CDKN2A: variants seen among roughly 807,000 people sequenced by gnomAD.
CDKN2A encodes the protein cyclin-dependent kinase inhibitor 2A.
Under a neutral mutation model 11.1 loss-of-function variants are expected in CDKN2A, and 3 were observed. The ratio of observed to expected loss-of-function variants is 0.27; its 90% CI spans 0.12 to 0.70. The LOEUF is 0.70. CDKN2A is among the 30% of genes least tolerant of loss of function. The probability of loss-of-function intolerance (pLI) is 0.77; values close to 1 mark genes in which losing one functional copy is unlikely to be tolerated. For synonymous variants in CDKN2A, 122 were observed against 108.1 expected (o/e 1.13, Z -0.80); for missense variants, 265 against 233.6 (o/e 1.13, Z -0.88).
intron 1 of CDKN2A, chr9:21,994,442 GC>G: frequency 6.4e-7 from 1 of 1,553,572 alleles, no homozygotes; most frequent in Non-Finnish European, 8.6e-7. Context: ...CCCACGCACC[GC>G]CCCCTGCCCA....
In CDKN2A at chr9:21,974,484, T is replaced by C. The variant is rs377665008; in HGVS notation, c.150+194A>G. On this transcript the variant is annotated intron_variant, in intron 1 of 2. Transcript: ENST00000304494. This position sits in a 1 kb window ranked among gnomAD's most constrained non-coding sequence, Gnocchi z 5.2. ...CTGTACGCGCGTGGCTCCTCATTCCTCTTCCTTGGCTTCCCAAGCCCCCAG... is the reference window on the plus strand; with the variant it reads ...CTGTACGCGCGTGGCTCCTCATTCCCCTTCCTTGGCTTCCCAAGCCCCCAG... 1.2e-6 allele frequency: 2 copies of C among 1,612,908 alleles called. No individual in the cohort carries two copies. The highest frequency in any genetic ancestry group is 8.5e-7 in the Non-Finnish European group (1 of 1,179,776).
In CDKN2A at chr9:21,968,810, G is replaced by T. The variant is rs1228267421; in HGVS notation, c.458-568C>A. 10 of 1,532,640 alleles carry T rather than the reference G, an allele frequency of 6.5e-6. No homozygotes were observed. Among genetic ancestry groups the T allele is most frequent in the Non-Finnish European group, 8.7e-6 (10 of 1,143,946 alleles). The allele number at this position is 1,532,640 out of a possible 1,614,324, so 94.9% of individuals were successfully genotyped here. A position where few individuals can be genotyped will look rare whatever the true frequency, so the allele number is the denominator to read the frequency against. On this transcript the variant is annotated intron_variant, in intron 2 of 2. Coordinates refer to ENST00000304494, the MANE Select transcript of CDKN2A (RefSeq NM_000077.5). This position sits in a 1 kb window ranked among gnomAD's most constrained non-coding sequence, Gnocchi z 4.7. ...GATGCTCATTTATTCATGTGCTCTG[G>T]CTTCTGCCTTCCTCTCTAATCTCGT...
intron 2 of CDKN2A, among the ~76,000 whole-genome samples, chr9:21,985,866 T>A (rs1820287977): frequency 6.6e-6 from 1 of 152,024 alleles, no homozygotes; most frequent in Non-Finnish European, 1.5e-5. Context: ...TTTATTATGA[T>A]ATGTATATTT....
chr9:21,992,353 T>C (rs1309153622), intron 2 of CDKN2A: 1 of 911,252 alleles, frequency 1.1e-6, no homozygotes, highest in Non-Finnish European at 1.3e-6. Context: ...TTATATTATG[T>C]ATATCATTTT....
intron 2 of CDKN2A, among the ~76,000 whole-genome samples, chr9:21,980,839 G>T (rs947158543): frequency 6.7e-5 from 10 of 149,788 alleles, no homozygotes; most frequent in Non-Finnish European, 1.5e-4. Context: ...GGCACCTGTA[G>T]TCCCAGCTAC....
At chr9:21,985,184 C>A (rs1820273291) in intron 2 of CDKN2A, among the ~76,000 whole-genome samples, 1 of 151,822 alleles carries the variant, frequency 6.6e-6, no homozygotes, top group Non-Finnish European at 1.5e-5. Flanking sequence ...AAGATGATAA[C>A]TTCCATAATT....
chr9:21,988,936 G>T lies in CDKN2A; in HGVS notation c.-4+4946C>A, dbSNP rs550731312. On this transcript the variant is annotated intron_variant, in intron 2 of 3. Transcript: ENST00000494262. The surrounding 1 kb of genome is among the most constrained non-coding windows in gnomAD (Gnocchi z 4.1). ...GTTCTTTGGTCCACCAAGCCCTATCGTTCTGCTCTTTGGAAATTCTCCCTC... is the reference window on the plus strand; with the variant it reads ...GTTCTTTGGTCCACCAAGCCCTATCTTTCTGCTCTTTGGAAATTCTCCCTC... Among the ~76,000 whole-genome samples, 1 of 152,124 alleles carries T rather than the reference G, an allele frequency of 6.6e-6. No homozygotes were observed. Among genetic ancestry groups the T allele is most frequent in the African/African-American group, 2.4e-5 (1 of 41,416 alleles).
At chr9:21,994,026 G>A in exon 2 of CDKN2A, 1 of 1,212,324 alleles carries the variant, frequency 8.2e-7, no homozygotes, top group Non-Finnish European at 1.2e-6. Context: ...CTCCACCGGC[G>A]GTTATCTCCT....
chr9:21,991,482 G>A lies in CDKN2A; in HGVS notation c.-4+2400C>T, dbSNP rs1012059058. ...TAGAATGTTTTAGTACAGAAGGCAA[G>A]TGAGATTTTCTCTGTTTCTCCAAGG... On this transcript the variant is annotated intron_variant, in intron 2 of 3. Coordinates refer to the CDKN2A transcript ENST00000494262. This position sits in a 1 kb window ranked among gnomAD's most constrained non-coding sequence, Gnocchi z 5.2. 3 of 191,342 alleles carry A rather than the reference G, an allele frequency of 1.6e-5. No individual in the cohort carries two copies. The highest frequency in any genetic ancestry group is 7.1e-5 in the African/African-American group (3 of 42,090). 11.9% of individuals were successfully genotyped at this position (191,342 alleles called of 1,614,324 possible).
chr9:21,969,145 G>A (rs1226827205), intron 2 of CDKN2A, among the ~76,000 whole-genome samples: 1 of 152,170 alleles, frequency 6.6e-6, no homozygotes. Flanking sequence ...GATAGCTTGG[G>A]ACTGTAATCC....
At chr9:21,979,172 G>A (rs1400289433), upstream of CDKN2A, among the ~76,000 whole-genome samples, 2 of 152,194 alleles carry the variant, frequency 1.3e-5, no homozygotes, top group Non-Finnish European at 2.9e-5. Context: ...AAGAGGATGT[G>A]CAAAGGCATA....
chr9:21,979,452 A>G (rs536823962), upstream of CDKN2A, among the ~76,000 whole-genome samples: 1 of 152,372 alleles, frequency 6.6e-6, no homozygotes, highest in East Asian at 1.9e-4. Flanking sequence ...AGAAAAGAAT[A>G]AAAGAAAAGT....
At chr9:21,971,339 G>T in intron 1 of CDKN2A, 131 bp from the exon 2 acceptor site, 1 of 1,508,236 alleles carries the variant, frequency 6.6e-7, no homozygotes, top group African/African-American at 1.4e-5. Context: ...CCCTACATTT[G>T]CTTCCAGTTT....
Position 21,968,706 on chromosome 9 carries a change from G to C in CDKN2A, c.458-464C>G, listed in dbSNP as rs2131081772. The C allele has an allele frequency of 2.6e-6, 4 of 1,536,182 alleles. No individual in the cohort carries two copies. The South Asian group carries it at 4.8e-5, about 18-fold the overall frequency. On this transcript the variant is annotated intron_variant, in intron 2 of 2. Transcript: ENST00000304494. This position sits in a 1 kb window ranked among gnomAD's most constrained non-coding sequence, Gnocchi z 4.7. ...GCGCCTCAGGCTCTGGCGCTCCTCG[G>C]CGGAATCCCGTAGCTTCCCTACGCA...
At chr9:21,994,746 C>G (rs1277909357) in intron 1 of CDKN2A, 1 of 216,312 alleles carries the variant, frequency 4.6e-6, no homozygotes, top group African/African-American at 2.4e-5. Context: ...GGTGACGGCC[C>G]AGGGGCCGGA....
chr9:21,973,622 T>C (rs1819881801), intron 1 of CDKN2A, among the ~76,000 whole-genome samples: 3 of 151,790 alleles, frequency 2.0e-5, no homozygotes, highest in Admixed American at 2.0e-4. Context: ...AAAACAGGAG[T>C]AGGGAGAGGA....
intron 2 of CDKN2A, among the ~76,000 whole-genome samples, chr9:21,985,751 C>T (rs528776153): frequency 1.3e-5 from 2 of 151,986 alleles, no homozygotes; most frequent in South Asian, 4.2e-4. Context: ...CTAAAGGCCA[C>T]CATATAGATC....
intron 2 of CDKN2A, among the ~76,000 whole-genome samples, chr9:21,981,964 T>G (rs1186281386): frequency 6.6e-6 from 1 of 152,188 alleles, no homozygotes; most frequent in Non-Finnish European, 1.5e-5. Flanking sequence ...TGGGAGTAGA[T>G]CTCTAGAAGT....
intron 1 of CDKN2A, 128 bp from the exon 2 acceptor site, chr9:21,971,336 T>C: frequency 6.6e-7 from 1 of 1,511,120 alleles, no homozygotes; most frequent in Non-Finnish European, 8.8e-7. Context: ...TACCCCTACA[T>C]TTGCTTCCAG....
Sources: gnomAD v4.1 joint callset for allele counts (sites outside exome capture counted in the v4.1 genomes callset) on GRCh38, gnomAD v4.1.1 for gene constraint, Gnocchi (gnomAD v3.1) non-coding constraint, MANE v1.5 for transcripts, NCBI Gene and HGNC (gene_info 2026-07-23, HGNC 2026-07-21) for gene names.